KAT7: variants seen among roughly 807,000 people sequenced by gnomAD.
KAT7 encodes lysine acetyltransferase 7.
In KAT7, 10 loss-of-function variants were observed where a neutral mutation model predicts 82.1. That is an observed-to-expected ratio of 0.12 (90% confidence interval 0.08 to 0.21). The LOEUF (loss-of-function observed/expected upper bound fraction) is 0.21. Ranked by LOEUF, KAT7 falls within the 10% of genes least tolerant of loss-of-function variation. The probability of loss-of-function intolerance (pLI) is 1.00; values close to 1 mark genes in which losing one functional copy is unlikely to be tolerated. For synonymous variants in KAT7, 250 were observed against 262.5 expected (o/e 0.95, Z 0.46); for missense variants, 378 against 760.9 (o/e 0.50, Z 5.92).
At position 49,834,045 on chromosome 17, in the gene KAT7, C is replaced by G. The variant is rs1473329891; in HGVS notation, c.*6543C>G. The G allele has an allele frequency of 6.6e-6, 1 of 152,212 alleles. No homozygotes were observed. Among genetic ancestry groups the G allele is most frequent in the African/African-American group, 2.4e-5 (1 of 41,446 alleles). 9.4% of individuals were successfully genotyped at this position (152,212 alleles called of 1,614,324 possible). A position where few individuals can be genotyped will look rare whatever the true frequency, so the allele number is the denominator to read the frequency against. On this transcript the variant is annotated 3_prime_UTR_variant, in exon 15 of 15. Transcript: ENST00000259021. ...TATTTATCGTGTCTTCGCTGTCAGTCAAATTGCTTCTGAGATAACTGGCTG... is the reference window on the plus strand; with the variant it reads ...TATTTATCGTGTCTTCGCTGTCAGTGAAATTGCTTCTGAGATAACTGGCTG...
At chr17:49,827,088 AG>A in intron 14 of KAT7, 1 of 444,900 alleles carries the variant, frequency 2.2e-6, no homozygotes, top group Non-Finnish European at 4.0e-6. Flanking sequence ...CTTAGGTGGG[AG>A]GAAATTGCCC....
intron 9 of KAT7, among the ~76,000 whole-genome samples, chr17:49,818,743 T>C (rs898241990): frequency 4.3e-4 from 1 of 2,320 alleles, no homozygotes; most frequent in Non-Finnish European, 1.1e-3. Flanking sequence ...CTTTTTCTTG[T>C]TTTTTTTTTT....
intron 14 of KAT7, 48 bp from the exon 15 acceptor site, chr17:49,827,353 C>A: frequency 8.9e-7 from 1 of 1,119,596 alleles, no homozygotes; most frequent in Non-Finnish European, 1.4e-6. Flanking sequence ...TATGTAAAGG[C>A]ACTTGAGTTG....
intron 13 of KAT7, 123 bp from the exon 14 acceptor site, chr17:49,826,570 T>C: frequency 1.5e-6 from 1 of 681,280 alleles, no homozygotes; most frequent in Non-Finnish European, 2.7e-6. Context: ...TCTAAACAGA[T>C]TGGGTTGAGT....
At chr17:49,825,957 G>T in intron 12 of KAT7, 43 bp from the exon 13 acceptor site, 1 of 1,583,644 alleles carries the variant, frequency 6.3e-7, no homozygotes, top group South Asian at 1.1e-5. Flanking sequence ...ATTAGGATAA[G>T]ATCGAGTGTT....
chr17:49,790,118 C>T (rs1028344404), intron 1 of KAT7, among the ~76,000 whole-genome samples: 2 of 152,146 alleles, frequency 1.3e-5, no homozygotes, highest in Admixed American at 6.5e-5. Context: ...CTCTTCACAG[C>T]GGCTTTTCAG....
At chr17:49,812,584 T>A (rs1644756520) in intron 7 of KAT7, among the ~76,000 whole-genome samples, 1 of 152,090 alleles carries the variant, frequency 6.6e-6, no homozygotes, top group Non-Finnish European at 1.5e-5. Context: ...TGCTTACTAC[T>A]GAAAATACCA....
At chr17:49,826,656 C>T (rs2074371990) in intron 13 of KAT7, 37 bp from the exon 14 acceptor site, 1 of 1,432,382 alleles carries the variant, frequency 7.0e-7, no homozygotes, top group African/African-American at 1.4e-5. Flanking sequence ...TGGGAACCTG[C>T]ACTTTGGCCA....
intron 5 of KAT7, 57 bp downstream of exon 5, chr17:49,805,502 G>C: frequency 7.7e-7 from 1 of 1,295,018 alleles, no homozygotes; most frequent in Admixed American, 1.7e-5. Flanking sequence ...CGTTTGCCAG[G>C]CACTTTGCTG....
chr17:49,797,341 G>T (rs930133716), intron 3 of KAT7, among the ~76,000 whole-genome samples: 1 of 152,160 alleles, frequency 6.6e-6, no homozygotes, highest in East Asian at 1.9e-4. Flanking sequence ...GGGATTACAG[G>T]TATAAGCCAC....
At chr17:49,802,761 T>C (rs771707320) in intron 4 of KAT7, among the ~76,000 whole-genome samples, 166 of 152,192 alleles carry the variant, frequency 1.1e-3, no homozygotes, top group Admixed American at 2.5e-3. Flanking sequence ...AGGGTCTCTC[T>C]GTCACCTAGG....
At chr17:49,813,486 G>A (rs1050703950) in intron 7 of KAT7, among the ~76,000 whole-genome samples, 1 of 152,110 alleles carries the variant, frequency 6.6e-6, no homozygotes, top group Non-Finnish European at 1.5e-5. Flanking sequence ...CTTAGTCAGA[G>A]CATGGCTTCA....
At chr17:49,814,015 C>T (rs1239101483) in intron 7 of KAT7, among the ~76,000 whole-genome samples, 1 of 152,042 alleles carries the variant, frequency 6.6e-6, no homozygotes, top group African/African-American at 2.4e-5. Flanking sequence ...CCTCAGCCTC[C>T]TGAGTAGCTG....
chr17:49,818,827 C>T (rs949648266), intron 9 of KAT7, among the ~76,000 whole-genome samples: 2 of 151,972 alleles, frequency 1.3e-5, no homozygotes, highest in South Asian at 2.1e-4. Context: ...CAACCTCCGC[C>T]TCCCAGATTC....
rs1402419744 is a variant in KAT7 at position 49,789,064 on chromosome 17, T to C, written c.15+215T>C. The C allele has an allele frequency of 4.6e-5, 19 of 417,106 alleles. No homozygotes were observed. In the South Asian group the frequency reaches 1.5e-3, roughly 33 times the overall value. The allele number at this position is 417,106 out of a possible 1,614,324, so 25.8% of individuals were successfully genotyped here. On this transcript the variant is annotated intron_variant, in intron 1 of 14. Transcript: ENST00000259021. ...CAACTATTCCCGCCCTCTGCTTGCC[T>C]GGATCGGAGGCGTTCTTATTAATTG...
chr17:49,796,317 A>G (rs2073955404), intron 2 of KAT7, among the ~76,000 whole-genome samples: 1 of 152,266 alleles, frequency 6.6e-6, no homozygotes, highest in African/African-American at 2.4e-5. Flanking sequence ...GAGAGGATGC[A>G]GTTAATATTT....
intron 11 of KAT7, 90 bp from the exon 12 acceptor site, chr17:49,823,112 G>A (rs993505396): frequency 6.0e-5 from 45 of 750,218 alleles, no homozygotes; most frequent in Non-Finnish European, 1.0e-4. Flanking sequence ...CAGATGTTTT[G>A]CAAGCAGCCT....
At position 49,791,916 on chromosome 17, in the gene KAT7, G is replaced by A. The variant is rs1407775609; in HGVS notation, c.46G>A (p.Glu16Lys). The change falls in exon 2 of 15, where the codon GAA becomes AAA. Residue 16 changes from glutamate (E) to lysine (K), a missense_variant. Physicochemically the swap from Glu to Lys is moderately conservative, Grantham distance 56. Transcript: ENST00000259021. ...TGCAGGCAGTAGTTCAGATGGAACC[G>A]AAGATTCCGATTTTTCTACAGATCT... The part of the protein sequence containing the change: ...RNAGSSSDGT[E>K]DSDFSTDLEH... 6.2e-7 allele frequency: 1 copy of A among 1,613,964 alleles called. No individual in the cohort carries two copies. The highest frequency in any genetic ancestry group is 8.5e-7 in the Non-Finnish European group (1 of 1,179,942).
At chr17:49,815,934 A>ATCCT in intron 8 of KAT7, 21 bp downstream of exon 8, 1 of 1,440,096 alleles carries the variant, frequency 6.9e-7, no homozygotes, top group Non-Finnish European at 9.8e-7. Context: ...AAACCTCCAA[A>ATCCT]CTGAAGGCCG....
Sources: gnomAD v4.1 joint callset for allele counts (sites outside exome capture counted in the v4.1 genomes callset) on GRCh38, gnomAD v4.1.1 for gene constraint, MANE v1.5 for transcripts, NCBI Gene and HGNC (gene_info 2026-07-23, HGNC 2026-07-21) for gene names.